The following CCDC7 variants were observed in gnomAD, a reference collection of about 807,000 sequenced individuals.
CCDC7 encodes coiled-coil domain-containing protein 7.
Under a neutral mutation model 196.9 loss-of-function variants are expected in CCDC7, and 183 were observed. That is an observed-to-expected ratio of 0.93 (90% CI 0.82 to 1.05). The LOEUF (loss-of-function observed/expected upper bound fraction) is 1.05, where lower values mean the gene tolerates loss of function less well. Among genes scored for constraint, CCDC7 ranks in the 50% least tolerant of loss-of-function variants. The probability of loss-of-function intolerance (pLI) is 0.00; values close to 1 mark genes in which losing one functional copy is unlikely to be tolerated. For synonymous variants in CCDC7, 525 were observed against 484.6 expected (o/e 1.08, Z -1.10); for missense variants, 1,540 against 1,482.2 (o/e 1.04, Z -0.64).
intron 28 of CCDC7, among the ~76,000 whole-genome samples, chr10:32,757,222 G>A (rs961255758): frequency 6.6e-6 from 1 of 152,118 alleles, no homozygotes; most frequent in Non-Finnish European, 1.5e-5. Context: ...GGATATCCAG[G>A]AATTGAATTC....
In CCDC7 at chr10:32,862,000, C is replaced by CA. The variant is rs2094006636; in HGVS notation, c.4111+7512dup. ...AAATTAGTTCAAACATTGTGGAAGA[C>CA]ACTGTGGTGATTCCTCAAGAATCTA... On this transcript the variant is annotated intron_variant, in intron 41 of 41. Transcript: ENST00000639629. Among the ~76,000 whole-genome samples the CA allele has an allele frequency of 2.6e-5, 4 of 152,290 alleles. No individual in the cohort carries two copies. In the South Asian group the frequency reaches 8.3e-4, roughly 32 times the overall value.
intron 41 of CCDC7, among the ~76,000 whole-genome samples, chr10:32,867,838 G>A (rs1338447523): frequency 1.3e-5 from 2 of 151,612 alleles, no homozygotes; most frequent in African/African-American, 4.8e-5. Context: ...CATTCACACT[G>A]CTATGCAACT....
At chr10:32,763,481 G>A (rs1166226053) in intron 28 of CCDC7, among the ~76,000 whole-genome samples, 1 of 151,836 alleles carries the variant, frequency 6.6e-6, no homozygotes, top group African/African-American at 2.4e-5. Flanking sequence ...CCCCTTCTGG[G>A]TACATACGCA....
intron 20 of CCDC7, among the ~76,000 whole-genome samples, chr10:32,646,514 A>G (rs1320503115): frequency 1.3e-5 from 2 of 152,190 alleles, no homozygotes; most frequent in East Asian, 3.9e-4. Context: ...GGTGACACGT[A>G]TTATAAATGT....
At chr10:32,658,152 A>T (rs1287632558) in intron 20 of CCDC7, among the ~76,000 whole-genome samples, 1 of 152,024 alleles carries the variant, frequency 6.6e-6, no homozygotes, top group African/African-American at 2.4e-5. Context: ...AACTGCTCCA[A>T]CCTCTGCCTG....
rs1565171334 is a variant in CCDC7, at chr10:32,694,998, T to C, written c.2458+6T>C. On this transcript the variant is annotated splice_donor_region_variant and intron_variant, in intron 24 of 41. Transcript: ENST00000639629. ...TAGAGAGAAAAGACATAGTAGTAAGTATAATAATTATAGATAACTTAAAAA... is the reference window on the plus strand; with the variant it reads ...TAGAGAGAAAAGACATAGTAGTAAGCATAATAATTATAGATAACTTAAAAA... 7 of 1,440,356 alleles carry C rather than the reference T, an allele frequency of 4.9e-6. No individual in the cohort carries two copies. Among genetic ancestry groups the C allele is most frequent in the South Asian group, 3.9e-5 (3 of 77,414 alleles). The allele number at this position is 1,440,356 out of a possible 1,614,324, so 89.2% of individuals were successfully genotyped here.
chr10:32,776,483 G>A (rs1362789782), intron 28 of CCDC7, among the ~76,000 whole-genome samples: 1 of 151,816 alleles, frequency 6.6e-6, no homozygotes, highest in South Asian at 2.1e-4. Context: ...TAGACATTTG[G>A]GTTTATTAGT....
chr10:32,605,765 A>G (rs2061501712), intron 18 of CCDC7, among the ~76,000 whole-genome samples: 1 of 152,252 alleles, frequency 6.6e-6, no homozygotes, highest in Admixed American at 6.5e-5. Flanking sequence ...GAGCAAAGAA[A>G]TGACTTAAAA....
intron 18 of CCDC7, among the ~76,000 whole-genome samples, chr10:32,613,502 G>A (rs2062418772): frequency 6.6e-6 from 1 of 152,126 alleles, no homozygotes; most frequent in East Asian, 1.9e-4. Context: ...TAATTGTGAT[G>A]TTAGGGTGTT....
chr10:32,594,233 G>A (rs1590285858), intron 18 of CCDC7, among the ~76,000 whole-genome samples: 1 of 152,118 alleles, frequency 6.6e-6, no homozygotes, highest in South Asian at 2.1e-4. Context: ...ACTGAGCAGT[G>A]GTTTGTAGTT....
At chr10:32,658,861 A>AT (rs2070589426) in intron 20 of CCDC7, among the ~76,000 whole-genome samples, 1 of 152,074 alleles carries the variant, frequency 6.6e-6, no homozygotes. Context: ...AATAGTCATA[A>AT]TTTTTTGTAT....
chr10:32,857,202 C>T (rs1323572891), intron 41 of CCDC7, among the ~76,000 whole-genome samples: 1 of 152,178 alleles, frequency 6.6e-6, no homozygotes, highest in East Asian at 1.9e-4. Context: ...CAACTAATAC[C>T]TGCAGACAAT....
At chr10:32,607,999 A>T (rs2061707075) in intron 18 of CCDC7, among the ~76,000 whole-genome samples, 3 of 152,046 alleles carry the variant, frequency 2.0e-5, no homozygotes, top group South Asian at 2.1e-4. Flanking sequence ...CTCATTATTG[A>T]TCTGTTAAGG....
At chr10:32,502,331 C>T (rs567993793) in intron 9 of CCDC7, among the ~76,000 whole-genome samples, 30 of 152,306 alleles carry the variant, frequency 2.0e-4, no homozygotes, top group African/African-American at 6.7e-4. Flanking sequence ...TGACCCCTTG[C>T]ACTTCCCAGG....
At chr10:32,621,442 G>C (rs918028588) in intron 18 of CCDC7, among the ~76,000 whole-genome samples, 12 of 152,104 alleles carry the variant, frequency 7.9e-5, no homozygotes, top group Non-Finnish European at 8.8e-5. Context: ...CCCCAGAAAC[G>C]GAACCAATAG....
At chr10:32,548,084 T>A (rs2052782206) in intron 13 of CCDC7, among the ~76,000 whole-genome samples, 1 of 152,204 alleles carries the variant, frequency 6.6e-6, no homozygotes. Flanking sequence ...AACATAAATT[T>A]AATTTTCTCA....
intron 28 of CCDC7, among the ~76,000 whole-genome samples, chr10:32,744,860 G>A (rs1239986823): frequency 6.6e-6 from 1 of 152,088 alleles, no homozygotes; most frequent in Non-Finnish European, 1.5e-5. Flanking sequence ...GTTGTTGATT[G>A]TCTTTCATAT....
At chr10:32,492,302 A>G (rs2042273770) in intron 9 of CCDC7, among the ~76,000 whole-genome samples, 1 of 152,128 alleles carries the variant, frequency 6.6e-6, no homozygotes, top group Admixed American at 6.6e-5. Flanking sequence ...AAAATTAAAA[A>G]CAGAATTACC....
At chr10:32,493,874 T>G (rs1159453148) in intron 9 of CCDC7, among the ~76,000 whole-genome samples, 4 of 152,162 alleles carry the variant, frequency 2.6e-5, no homozygotes, top group African/African-American at 9.6e-5. Flanking sequence ...CATTTGCCCA[T>G]TTTTAAATGG....
Sources: allele counts gnomAD v4.1 joint callset (sites outside exome capture counted in the v4.1 genomes callset), GRCh38; gene constraint gnomAD v4.1.1; transcripts MANE v1.5; gene names NCBI Gene and HGNC (gene_info 2026-07-23, HGNC 2026-07-21).